The following JPH2 variants were observed in gnomAD, a reference collection of about 807,000 sequenced individuals.
The protein encoded by JPH2 is junctophilin-2.
Under a neutral mutation model 55.9 loss-of-function variants are expected in JPH2, and 38 were observed. That is an observed-to-expected ratio of 0.68 (90% confidence interval 0.52 to 0.89). The LOEUF (loss-of-function observed/expected upper bound fraction) is 0.89. Among genes scored for constraint, JPH2 ranks in the 40% least tolerant of loss-of-function variants. The pLI is 0.00. For synonymous variants in JPH2, 480 were observed against 472.4 expected (o/e 1.02, Z -0.21); for missense variants, 964 against 1,037.6 (o/e 0.93, Z 0.97).
chr20:44,131,916 A>C (rs905185130), intron 2 of JPH2, among the ~76,000 whole-genome samples: 1 of 152,084 alleles, frequency 6.6e-6, no homozygotes, highest in Non-Finnish European at 1.5e-5. Context: ...TCAGGACCCT[A>C]CCCCAGGAAA....
chr20:44,173,719 T>A (rs1407365148), intron 1 of JPH2, among the ~76,000 whole-genome samples: 1 of 152,058 alleles, frequency 6.6e-6, no homozygotes, highest in African/African-American at 2.4e-5. Context: ...TTCAAGACCA[T>A]CCTGGCCAAC....
At chr20:44,134,524 A>AAATATATATAAATAAATATATATTTAT (rs1157160010) in intron 2 of JPH2, among the ~76,000 whole-genome samples, 2 of 1,694 alleles carry the variant, frequency 1.2e-3, no homozygotes, top group Admixed American at 0.016. Context: ...TATTTATAAT[A>AAATATATATAAATAAATATATATTTAT]AATATATATA....
chr20:44,157,370 G>T (rs1341686665), intron 2 of JPH2, among the ~76,000 whole-genome samples: 1 of 152,148 alleles, frequency 6.6e-6, no homozygotes, highest in Non-Finnish European at 1.5e-5. Context: ...GACCTTGAAG[G>T]TCATCTCCAC....
chr20:44,134,876 TTATATATATATTAATATA>T (rs1569195749), intron 2 of JPH2, among the ~76,000 whole-genome samples: 10 of 62,120 alleles, frequency 1.6e-4, no homozygotes, highest in African/African-American at 6.1e-4. Flanking sequence ...ATATATATAT[TTATATATATATTAATATA>T]TATTTATATA....
rs2072587085 is a variant in JPH2, at chr20:44,159,369, T to G, written c.1169+249A>C. Among the ~76,000 whole-genome samples, 1 of 151,352 alleles carries G rather than the reference T, an allele frequency of 6.6e-6. No individual in the cohort carries two copies. Among genetic ancestry groups the G allele is most frequent in the African/African-American group, 2.4e-5 (1 of 41,108 alleles). ...ATGACTGGAGAGATGGCTGTTCAGG[T>G]GGATATTAGAAAGGTTGGGTGAGTG... On this transcript the variant is annotated intron_variant, in intron 2 of 5. Coordinates refer to ENST00000372980, the MANE Select transcript of JPH2 (RefSeq NM_020433.5). The surrounding 1 kb of genome is among the most constrained non-coding windows in gnomAD (Gnocchi z 5.7).
chr20:44,163,717 C>T lies in JPH2; in HGVS notation c.380-3310G>A, dbSNP rs117812898. 1.1e-4 allele frequency among the ~76,000 whole-genome samples: 16 copies of T among 152,328 alleles called. No homozygotes were observed. The East Asian group carries it at 3.1e-3, about 29-fold the overall frequency. On this transcript the variant is annotated intron_variant, in intron 1 of 5. Coordinates refer to ENST00000372980, the MANE Select transcript of JPH2 (RefSeq NM_020433.5). The stretch of plus-strand genomic sequence containing the variant: ...CAGAGTGTATGCTGCGAGCCCATGG[C>T]TCTTAATCCTGGTGTGCATTAGAAG...
intron 2 of JPH2, among the ~76,000 whole-genome samples, chr20:44,151,723 G>A (rs1284923537): frequency 2.6e-5 from 4 of 152,062 alleles, no homozygotes; most frequent in Admixed American, 6.6e-5. Flanking sequence ...AGCTTGTAAC[G>A]TCAGACTCTC....
At position 44,116,061 on chromosome 20, in the gene JPH2, T is replaced by C. The variant is rs1270507608; in HGVS notation, c.1614A>G (p.Pro538=). The change falls in exon 4 of 6, where the codon CCA becomes CCG. Residue 538 remains proline, a synonymous_variant. Coordinates refer to ENST00000372980, the MANE Select transcript of JPH2 (RefSeq NM_020433.5). Reference sequence around the variant, plus strand: ...CCTCGATGGCCATGCGCTCGGTGGCTGGACGCGCGGGGCTGCGGCGGCCCG... The same window carrying C: ...CCTCGATGGCCATGCGCTCGGTGGCCGGACGCGCGGGGCTGCGGCGGCCCG... ...EGAGRRSPAR[P]ATERMAIEAL... 4 of 1,556,892 alleles carry C rather than the reference T, an allele frequency of 2.6e-6. No homozygotes were observed. The highest frequency in any genetic ancestry group is 3.4e-6 in the Non-Finnish European group (4 of 1,161,016).
intron 1 of JPH2, among the ~76,000 whole-genome samples, 180 bp downstream of exon 1, chr20:44,186,147 C>G (rs1465076368): frequency 6.6e-6 from 1 of 152,160 alleles, no homozygotes. Context: ...TTAGCTCCAT[C>G]TTTACTACAA....
intron 2 of JPH2, among the ~76,000 whole-genome samples, chr20:44,120,761 A>T (rs12480338): frequency 0.12 from 18,313 of 152,284 alleles, 1,350 homozygotes; most frequent in Admixed American, 0.24. Flanking sequence ...TCACAAAAAA[A>T]ATCCCATAAC....
chr20:44,131,059 T>G (rs752886147), intron 2 of JPH2, among the ~76,000 whole-genome samples: 3 of 152,212 alleles, frequency 2.0e-5, no homozygotes, highest in African/African-American at 7.2e-5. Flanking sequence ...AGATTTCTCA[T>G]ATGGCTCCTG....
intron 2 of JPH2, among the ~76,000 whole-genome samples, chr20:44,146,576 C>T (rs1156850137): frequency 6.6e-6 from 1 of 152,150 alleles, no homozygotes; most frequent in African/African-American, 2.4e-5. Flanking sequence ...GGGTCGGGGG[C>T]CTTTCCAATG....
intron 2 of JPH2, among the ~76,000 whole-genome samples, chr20:44,155,470 T>C (rs1346030229): frequency 1.3e-5 from 2 of 152,164 alleles, no homozygotes; most frequent in African/African-American, 4.8e-5. Context: ...AAATCTTCCA[T>C]ACAGAGGAAT....
intron 1 of JPH2, among the ~76,000 whole-genome samples, chr20:44,168,684 C>T (rs751165151): frequency 6.6e-5 from 10 of 152,208 alleles, no homozygotes; most frequent in Non-Finnish European, 1.3e-4. Flanking sequence ...AGTGCTTTCA[C>T]CTCTAAGAAT....
intron 2 of JPH2, among the ~76,000 whole-genome samples, chr20:44,123,403 C>T (rs1449208434): frequency 3.3e-5 from 5 of 152,208 alleles, no homozygotes; most frequent in East Asian, 1.9e-4. Context: ...CAGGCTCACT[C>T]CTACAGCTGC....
At chr20:44,150,213 AG>A (rs1310491983) in intron 2 of JPH2, among the ~76,000 whole-genome samples, 1 of 152,126 alleles carries the variant, frequency 6.6e-6, no homozygotes, top group East Asian at 1.9e-4. Context: ...AAAAATGAGG[AG>A]GATGGTTCTA....
chr20:44,116,256 G>A lies in JPH2; in HGVS notation c.1419C>T (p.His473=), dbSNP rs1471827464. Residue 473 remains histidine, a synonymous_variant, in exon 4 of 6, where the codon CAC becomes CAT. Coordinates refer to ENST00000372980, the MANE Select transcript of JPH2 (RefSeq NM_020433.5). ...CCTCGGGCCGAGGGGTCTCACGCTC[G>A]TGCAGCTGCGGGCTCTCGCGGGGCG... ...PQPPRESPQL[H]ERETPRPEGG... 9 of 1,514,836 alleles carry A rather than the reference G, an allele frequency of 5.9e-6. No individual in the cohort carries two copies. The highest frequency in any genetic ancestry group is 2.3e-4 in the Middle Eastern group (1 of 4,328). The allele number at this position is 1,514,836 out of a possible 1,614,324, so 93.8% of individuals were successfully genotyped here.
At chr20:44,121,321 C>T (rs187708291) in intron 2 of JPH2, among the ~76,000 whole-genome samples, 54 of 152,322 alleles carry the variant, frequency 3.5e-4, no homozygotes, top group Non-Finnish European at 7.1e-4. Flanking sequence ...CCACTCTCTA[C>T]AGATGAGTTA....
At chr20:44,171,543 G>C (rs1016442889) in intron 1 of JPH2, among the ~76,000 whole-genome samples, 1 of 150,782 alleles carries the variant, frequency 6.6e-6, no homozygotes, top group Non-Finnish European at 1.5e-5. Context: ...TCTGGGCTTT[G>C]CCAATCTCTC....
Sources: allele counts gnomAD v4.1 joint callset (sites outside exome capture counted in the v4.1 genomes callset), GRCh38; gene constraint gnomAD v4.1.1; non-coding constraint Gnocchi (gnomAD v3.1); transcripts MANE v1.5; gene names NCBI Gene and HGNC (gene_info 2026-07-23, HGNC 2026-07-21).